Variants in DTD1 observed in about 807,000 individuals in gnomAD.
DTD1 encodes D-tyrosyl-tRNA deacylase 1 homolog.
DTD1 carries 13 observed loss-of-function variants against 25.6 expected under a neutral mutation model. The observed-to-expected ratio is 0.51, with a 90% CI of 0.33 to 0.81. DTD1 has a LOEUF of 0.81. DTD1 is among the 30% of genes least tolerant of loss of function. The probability of loss-of-function intolerance (pLI) is 0.02; values close to 1 mark genes in which losing one functional copy is unlikely to be tolerated. For missense variants in DTD1, 193 were observed against 266.4 expected, an observed-to-expected ratio of 0.72 and a Z score of 1.92; for synonymous variants, 110 against 103.6, an observed-to-expected ratio of 1.06 and a Z score of -0.37.
At chr20:18,713,600 C>T (rs2061168400) in intron 4 of DTD1, among the ~76,000 whole-genome samples, 1 of 152,180 alleles carries the variant, frequency 6.6e-6, no homozygotes, top group African/African-American at 2.4e-5. Context: ...CACGTCCCCA[C>T]CTTCATCTTC....
At chr20:18,759,316 A>C (rs1441025527) in intron 5 of DTD1, among the ~76,000 whole-genome samples, 1 of 152,148 alleles carries the variant, frequency 6.6e-6, no homozygotes, top group Non-Finnish European at 1.5e-5. Flanking sequence ...TAGTTGATGC[A>C]GTTTCTTCCT....
chr20:18,669,764 G>A (rs1026965231), intron 4 of DTD1, among the ~76,000 whole-genome samples: 2 of 152,122 alleles, frequency 1.3e-5, no homozygotes, highest in African/African-American at 4.8e-5. Flanking sequence ...TCGCTCCCGG[G>A]GGGGTCTGCA....
intron 4 of DTD1, chr20:18,691,985 A>G (rs751147104): frequency 6.6e-6 from 1 of 152,140 alleles, no homozygotes; most frequent in Non-Finnish European, 1.5e-5. Context: ...TGTCTGTGCC[A>G]TGAAAAGAGG....
At chr20:18,751,596 G>A (rs2061321389) in intron 5 of DTD1, among the ~76,000 whole-genome samples, 1 of 151,902 alleles carries the variant, frequency 6.6e-6, no homozygotes, top group African/African-American at 2.4e-5. Flanking sequence ...AGGTTCAAGC[G>A]ATTCTTGTGC....
chr20:18,606,914 A>G (rs1158578663), intron 3 of DTD1, among the ~76,000 whole-genome samples: 1 of 150,450 alleles, frequency 6.6e-6, no homozygotes, highest in African/African-American at 2.5e-5. Context: ...GTACCCTAAA[A>G]CTTAAAGTAT....
intron 5 of DTD1, among the ~76,000 whole-genome samples, chr20:18,746,615 A>AG (rs2061301670): frequency 6.6e-6 from 1 of 152,248 alleles, no homozygotes; most frequent in South Asian, 2.1e-4. Flanking sequence ...GGATTGCTTG[A>AG]GTTTGGGAGT....
At chr20:18,616,753 G>A (rs2060710431) in intron 3 of DTD1, among the ~76,000 whole-genome samples, 1 of 152,256 alleles carries the variant, frequency 6.6e-6, no homozygotes, top group African/African-American at 2.4e-5. Flanking sequence ...GCAGCAGCAA[G>A]CTATGATCAC....
chr20:18,724,179 G>T (rs749524555), intron 4 of DTD1, among the ~76,000 whole-genome samples: 6 of 152,192 alleles, frequency 3.9e-5, no homozygotes, highest in Non-Finnish European at 7.3e-5. Context: ...AGCCCCATGA[G>T]CTCTGTGATG....
intron 4 of DTD1, among the ~76,000 whole-genome samples, chr20:18,633,651 C>A (rs1223295274): frequency 2.0e-5 from 3 of 152,182 alleles, no homozygotes; most frequent in African/African-American, 7.2e-5. Context: ...CCGAGTGGGC[C>A]TCCCAGGGGA....
intron 5 of DTD1, among the ~76,000 whole-genome samples, chr20:18,759,166 C>T (rs2061351166): frequency 6.6e-6 from 1 of 152,152 alleles, no homozygotes; most frequent in East Asian, 1.9e-4. Flanking sequence ...ATACAGCACA[C>T]TGATGGGTCT....
chr20:18,639,763 G>A (rs1371913604), intron 4 of DTD1, among the ~76,000 whole-genome samples: 2 of 152,160 alleles, frequency 1.3e-5, no homozygotes, highest in Non-Finnish European at 2.9e-5. Flanking sequence ...AATCATGAAA[G>A]TGAAGCCCGG....
chr20:18,693,677 T>C (rs1330923788), intron 4 of DTD1, among the ~76,000 whole-genome samples: 5 of 150,672 alleles, frequency 3.3e-5, no homozygotes, highest in African/African-American at 1.2e-4. Flanking sequence ...AAAAAAATTG[T>C]CTTCCGCATG....
chr20:18,697,047 C>T (rs976743777), intron 4 of DTD1, among the ~76,000 whole-genome samples: 9 of 151,398 alleles, frequency 5.9e-5, no homozygotes, highest in African/African-American at 1.9e-4. Flanking sequence ...CCTGCTAACA[C>T]GGTGAAACCC....
At chr20:18,677,526 C>T (rs1380449086) in intron 4 of DTD1, among the ~76,000 whole-genome samples, 3 of 152,104 alleles carry the variant, frequency 2.0e-5, no homozygotes, top group Non-Finnish European at 4.4e-5. Flanking sequence ...CTGAGCAGAA[C>T]GCTTTGCTCT....
chr20:18,762,042 G>T (rs2061365147), intron 5 of DTD1, among the ~76,000 whole-genome samples: 2 of 152,216 alleles, frequency 1.3e-5, no homozygotes, highest in South Asian at 4.1e-4. Context: ...CAGAGCATGG[G>T]CTAGCTGTGG....
chr20:18,682,508 G>T (rs1387805788), intron 4 of DTD1, among the ~76,000 whole-genome samples: 7 of 152,166 alleles, frequency 4.6e-5, no homozygotes, highest in African/African-American at 1.7e-4. Context: ...CCCATGTGTG[G>T]CCTCCTGAGT....
At chr20:18,719,897 T>C (rs1320264085) in intron 4 of DTD1, among the ~76,000 whole-genome samples, 3 of 152,228 alleles carry the variant, frequency 2.0e-5, no homozygotes, top group Non-Finnish European at 4.4e-5. Context: ...GGTTCTTGAG[T>C]CTGATATTGT....
At chr20:18,641,365 A>G (rs1455231703) in intron 4 of DTD1, among the ~76,000 whole-genome samples, 1 of 152,220 alleles carries the variant, frequency 6.6e-6, no homozygotes, top group Admixed American at 6.5e-5. Context: ...ACCTAGGTAC[A>G]GGTTGTGGAT....
chr20:18,654,660 A>C (rs2048801928), intron 4 of DTD1, among the ~76,000 whole-genome samples: 1 of 152,152 alleles, frequency 6.6e-6, no homozygotes, highest in Non-Finnish European at 1.5e-5. Context: ...GTGCTTACCC[A>C]TTCTGCTGTG....
Sources: allele counts gnomAD v4.1 joint callset (sites outside exome capture counted in the v4.1 genomes callset), GRCh38; gene constraint gnomAD v4.1.1; transcripts MANE v1.5; gene names NCBI Gene and HGNC (gene_info 2026-07-23, HGNC 2026-07-21).